Variants in SEC16A observed in about 807,000 individuals in gnomAD.
SEC16A encodes the protein SEC16 homolog A, endoplasmic reticulum export factor.
SEC16A carries 110 observed loss-of-function variants against 221.9 expected under a neutral mutation model. That is an observed-to-expected ratio of 0.50 (90% CI 0.42 to 0.58). The LOEUF is 0.58. SEC16A is among the 20% of genes least tolerant of loss of function. The probability of loss-of-function intolerance (pLI) is 0.00; values close to 1 mark genes in which losing one functional copy is unlikely to be tolerated. For synonymous variants in SEC16A, 1,393 were observed against 1,257.7 expected (o/e 1.11, Z -2.28); for missense variants, 3,165 against 3,097.8 (o/e 1.02, Z -0.52).
intron 28 of SEC16A, 109 bp downstream of exon 28, chr9:136,446,746 T>G (rs1837046080): frequency 1.7e-6 from 2 of 1,145,152 alleles, no homozygotes; most frequent in Non-Finnish European, 2.5e-6. Flanking sequence ...GGCGGAACAC[T>G]CTACGTACAC....
chr9:136,442,438 C>A (rs553128847), intron 31 of SEC16A, among the ~76,000 whole-genome samples: 1 of 152,350 alleles, frequency 6.6e-6, no homozygotes, highest in East Asian at 1.9e-4. Flanking sequence ...GCCCAGGAAG[C>A]CTGCAGTCAA....
In SEC16A at chr9:136,447,977, G is replaced by A. The variant is rs1588878715; in HGVS notation, c.6391-68C>T. ...TAAACAGAATTAGCATCTGATTAAT[G>A]ATGACACTTCAAAACTTCAGGAAAC... On this transcript the variant is annotated intron_variant, in intron 24 of 31. Transcript: ENST00000684901. The surrounding 1 kb of genome is among the most constrained non-coding windows in gnomAD (Gnocchi z 5.5). 5 of 1,523,184 alleles carry A rather than the reference G, an allele frequency of 3.3e-6. No individual in the cohort carries two copies. The highest frequency in any genetic ancestry group is 2.3e-5 in the East Asian group (1 of 43,710). 94.4% of individuals were successfully genotyped at this position (1,523,184 alleles called of 1,614,324 possible). A position where few individuals can be genotyped will look rare whatever the true frequency, so the allele number is the denominator to read the frequency against.
chr9:136,451,246 G>T lies in SEC16A; in HGVS notation c.6312+10C>A. 1 of 1,608,526 alleles carries T rather than the reference G, an allele frequency of 6.2e-7. No individual in the cohort carries two copies. Among genetic ancestry groups the T allele is most frequent in the Admixed American group, 1.7e-5 (1 of 59,142 alleles). On this transcript the variant is annotated intron_variant, in intron 23 of 31. Transcript: ENST00000684901. ...CGGCCGCCAGGCGCACCGTGGGCAG[G>T]CTGTACTACCTTCTTAGGTTCCTTC... is the stretch of plus-strand genomic sequence containing the variant.
chr9:136,453,554 G>T (rs772929221), intron 21 of SEC16A, 44 bp from the exon 22 acceptor site: 5 of 1,511,476 alleles, frequency 3.3e-6, no homozygotes, highest in Non-Finnish European at 4.6e-6. Context: ...GTCACGAGAA[G>T]GCGGGACGTG....
intron 5 of SEC16A, among the ~76,000 whole-genome samples, chr9:136,468,167 A>G (rs1840391192): frequency 6.6e-6 from 1 of 152,286 alleles, no homozygotes; most frequent in Admixed American, 6.5e-5. Flanking sequence ...AAATCTGCCA[A>G]TATGACAAAG....
At chr9:136,470,675 C>T (rs536053157) in intron 4 of SEC16A, among the ~76,000 whole-genome samples, 3 of 152,326 alleles carry the variant, frequency 2.0e-5, no homozygotes, top group African/African-American at 7.2e-5. Context: ...AGTGCATGCC[C>T]TTGGAGCCGA....
At position 136,477,695 on chromosome 9, in the gene SEC16A, A is replaced by G. The variant is rs1841829702; in HGVS notation, c.-69-11T>C. ...GTTCCTTAATTGGAGCTGGAAAAGA[A>G]AAAGAGAAAATCAGCATAAAATCCA... On this transcript the variant is annotated splice_polypyrimidine_tract_variant and intron_variant, in intron 2 of 31. Transcript: ENST00000684901. 6.9e-7 allele frequency: 1 copy of G among 1,450,066 alleles called. No homozygotes were observed. Among genetic ancestry groups the G allele is most frequent in the Admixed American group, 2.8e-5 (1 of 36,282 alleles). 89.8% of individuals were successfully genotyped at this position (1,450,066 alleles called of 1,614,324 possible).
chr9:136,443,617 G>A (rs1459016311), intron 31 of SEC16A, among the ~76,000 whole-genome samples: 1 of 152,236 alleles, frequency 6.6e-6, no homozygotes, highest in Admixed American at 6.5e-5. Context: ...GGAAGTTATG[G>A]CTGCAGTGAG....
chr9:136,444,357 G>A (rs1836651459), intron 30 of SEC16A, among the ~76,000 whole-genome samples: 1 of 152,198 alleles, frequency 6.6e-6, no homozygotes, highest in African/African-American at 2.4e-5. Context: ...TTGGCCGCAG[G>A]TCACTGCTGC....
At chr9:136,478,900 T>C (rs759111093) in intron 1 of SEC16A, among the ~76,000 whole-genome samples, 70 bp from the exon 2 acceptor site, 2 of 152,174 alleles carry the variant, frequency 1.3e-5, no homozygotes, top group Non-Finnish European at 2.9e-5. Context: ...AAAATAAATA[T>C]ATTCATCTAA....
At position 136,447,953 on chromosome 9, in the gene SEC16A, A is replaced by C. The variant is rs1181493865; in HGVS notation, c.6391-44T>G. Reference sequence around the variant, plus strand: ...GAAAAAAGGTCAGCAGACTGAACCTAAACAGAATTAGCATCTGATTAATGA... The same window carrying C: ...GAAAAAAGGTCAGCAGACTGAACCTCAACAGAATTAGCATCTGATTAATGA... On this transcript the variant is annotated intron_variant, in intron 24 of 31. Coordinates refer to ENST00000684901, the MANE Select transcript of SEC16A (RefSeq NM_014866.2). This position sits in a 1 kb window ranked among gnomAD's most constrained non-coding sequence, Gnocchi z 5.5. The C allele has an allele frequency of 3.2e-6, 5 of 1,564,526 alleles. No individual in the cohort carries two copies. The South Asian group carries it at 5.7e-5, about 18-fold the overall frequency.
chr9:136,468,686 A>G (rs1840468629), intron 4 of SEC16A, among the ~76,000 whole-genome samples, 174 bp from the exon 5 acceptor site: 1 of 152,262 alleles, frequency 6.6e-6, no homozygotes, highest in South Asian at 2.1e-4. Flanking sequence ...GGAATTTCCC[A>G]CCATACGGCT....
In SEC16A at chr9:136,454,094, T is replaced by C. The variant is rs558122411; in HGVS notation, c.6076+15A>G. Reference sequence around the variant, plus strand: ...TGCTGCTTCTGCTCTCGAGACAGCATCTCTGCAGCCCCACCTGGGTCTGGG... The same window carrying C: ...TGCTGCTTCTGCTCTCGAGACAGCACCTCTGCAGCCCCACCTGGGTCTGGG... On this transcript the variant is annotated intron_variant, in intron 21 of 31. Transcript: ENST00000684901. The C allele has an allele frequency of 6.5e-7, 1 of 1,548,060 alleles. No homozygotes were observed. The highest frequency in any genetic ancestry group is 2.4e-5 in the East Asian group (1 of 41,070).
intron 9 of SEC16A, 94 bp downstream of exon 9, chr9:136,464,326 G>C: frequency 8.2e-7 from 1 of 1,217,850 alleles, no homozygotes; most frequent in Non-Finnish European, 1.1e-6. Context: ...TATGTCCAGA[G>C]ACAAGGTCTG....
upstream of SEC16A, chr9:136,484,611 G>A (rs1360223200): frequency 1.2e-5 from 17 of 1,360,188 alleles, no homozygotes; most frequent in African/African-American, 3.0e-5. Flanking sequence ...CTCCCTGGGT[G>A]GGAGCCACCC....
chr9:136,442,472 G>C (rs1021254161), intron 31 of SEC16A, among the ~76,000 whole-genome samples: 4 of 152,186 alleles, frequency 2.6e-5, no homozygotes, highest in African/African-American at 9.7e-5. Context: ...TGTGAGGGCA[G>C]GCTGGGGTGA....
chr9:136,463,325 T>C lies in SEC16A; in HGVS notation c.4647+138A>G, dbSNP rs2047066683. 1.5e-5 allele frequency: 19 copies of C among 1,277,900 alleles called. No homozygotes were observed. In the South Asian group the frequency reaches 2.5e-4, roughly 17 times the overall value. 79.2% of individuals were successfully genotyped at this position (1,277,900 alleles called of 1,614,324 possible). On this transcript the variant is annotated intron_variant, in intron 11 of 31. Transcript: ENST00000684901. ...CTCCCTCCCTACCCAGCCACTACAG[T>C]GTGCTTCCTAAGGGGGCCCTCGAGG... is the stretch of plus-strand genomic sequence containing the variant.
At chr9:136,471,853 TAA>T (rs1840913305) in intron 4 of SEC16A, 120 bp downstream of exon 4, 1 of 1,180,024 alleles carries the variant, frequency 8.5e-7, no homozygotes, top group Non-Finnish European at 1.2e-6. Context: ...ATATGTTAGA[TAA>T]GTTTGTACAA....
intron 23 of SEC16A, among the ~76,000 whole-genome samples, chr9:136,449,977 G>GCCT (rs1837562902): frequency 1.3e-5 from 2 of 152,196 alleles, no homozygotes; most frequent in Non-Finnish European, 2.9e-5. Flanking sequence ...GCCAAGGCAG[G>GCCT]CAGATCACTT....
Sources: gnomAD v4.1 joint callset for allele counts (sites outside exome capture counted in the v4.1 genomes callset) on GRCh38, gnomAD v4.1.1 for gene constraint, Gnocchi (gnomAD v3.1) non-coding constraint, MANE v1.5 for transcripts, NCBI Gene and HGNC (gene_info 2026-07-23, HGNC 2026-07-21) for gene names.